IQCE: variants seen among roughly 807,000 people sequenced by gnomAD.
IQCE encodes IQ motif containing E, also known as IQ domain-containing protein E.
IQCE carries 115 observed loss-of-function variants against 96.0 expected under a neutral mutation model. The ratio of observed to expected loss-of-function variants is 1.20; its 90% confidence interval spans 1.03 to 1.40. The LOEUF (loss-of-function observed/expected upper bound fraction) is 1.40, where lower values mean the gene tolerates loss of function less well. IQCE is among the 40% of genes most tolerant of loss of function. The pLI is 0.00. For missense variants in IQCE, 1,041 were observed against 909.1 expected, an observed-to-expected ratio of 1.15 and a Z score of -1.87; for synonymous variants, 412 against 371.2, an observed-to-expected ratio of 1.11 and a Z score of -1.26.
At chr7:2,567,270 G>C (rs1258369111) in intron 2 of IQCE, 107 bp downstream of exon 2, 14 of 850,896 alleles carry the variant, frequency 1.6e-5, no homozygotes, top group East Asian at 2.6e-5. Context: ...ACTGTGTCGA[G>C]AGCTGGAATG....
intron 6 of IQCE, among the ~76,000 whole-genome samples, chr7:2,575,536 C>A (rs1257773585): frequency 6.6e-6 from 1 of 152,220 alleles, no homozygotes; most frequent in East Asian, 1.9e-4. Flanking sequence ...TGGAGCCCCA[C>A]CAGTGCGGGA....
Position 2,593,037 on chromosome 7 carries a change from G to C in IQCE, c.1260G>C (p.Gln420His), listed in dbSNP as rs764309171. The C allele has an allele frequency of 6.8e-6, 11 of 1,608,020 alleles. No homozygotes were observed. Among genetic ancestry groups the C allele is most frequent in the South Asian group, 2.2e-5 (2 of 90,820 alleles). The change falls in exon 15 of 22, where the codon CAG (glutamine) becomes CAC (histidine). Residue 420 changes from glutamine (Q) to histidine (H), a missense_variant. Coordinates refer to ENST00000402050, the MANE Select transcript of IQCE (RefSeq NM_152558.5). ...TTGTGTGCAGTTTGGAGGTGAAGCAGCTCCTGCAGGCGAAGGCCGACCTGG... is the reference window on the plus strand; with the variant it reads ...TTGTGTGCAGTTTGGAGGTGAAGCACCTCCTGCAGGCGAAGGCCGACCTGG... ...QLLQRDLEVK[Q>H]LLQAKADLEK...
chr7:2,598,588 G>A lies in IQCE; in HGVS notation c.1564G>A (p.Ala522Thr), dbSNP rs372817817. Residue 522 changes from alanine (A) to threonine (T), a missense_variant, in exon 17 of 22, where the codon GCG becomes ACG. Ala to Thr is a moderately conservative substitution (Grantham distance 58). Coordinates refer to ENST00000402050, the MANE Select transcript of IQCE (RefSeq NM_152558.5). The part of the protein sequence containing the change: ...SPCSDGRRDA[A>T]ARVLQAQWKV... ...CTGCTCTGATGGGAGAAGAGACGCC[G>A]CGGCCAGAGTCCTGCAGGCCCAGTG... 1.0e-5 allele frequency: 16 copies of A among 1,601,970 alleles called. No homozygotes were observed. The highest frequency in any genetic ancestry group is 2.7e-5 in the African/African-American group (2 of 74,396).
Position 2,607,218 on chromosome 7 carries a change from GC to G in IQCE, c.1961del (p.Ala654ValfsTer79). ...GDASSPPFLA[A>X]LPDPSPSGPQ... ...CGCCTCCTCCCCACCCTTCCTCGCA[GC>G]TCTTCCTGGTAATTTCATTCATTTG... On this transcript the variant is annotated frameshift_variant, in exon 21 of 22. Transcript: ENST00000402050. LOFTEE classifies it high-confidence loss of function. 1 of 1,613,820 alleles carries G rather than the reference GC, an allele frequency of 6.2e-7. No homozygotes were observed. Among genetic ancestry groups the G allele is most frequent in the Non-Finnish European group, 8.5e-7 (1 of 1,179,856 alleles).
At chr7:2,563,767 G>A (rs564458284) in intron 1 of IQCE, among the ~76,000 whole-genome samples, 6 of 151,638 alleles carry the variant, frequency 4.0e-5, no homozygotes, top group African/African-American at 1.2e-4. Flanking sequence ...GGTGGCAGGC[G>A]CCTGTATTCC....
Position 2,609,941 on chromosome 7 carries a change from C to T in IQCE, c.1970-103C>T, listed in dbSNP as rs558164185. On this transcript the variant is annotated intron_variant, in intron 21 of 21. Coordinates refer to ENST00000402050, the MANE Select transcript of IQCE (RefSeq NM_152558.5). The stretch of plus-strand genomic sequence containing the variant: ...GGCTTACTGCTTCTCGGGGTGGCTG[C>T]CGTCTTGCCTGCCGGGGAAGAGCAG... 276 of 689,366 alleles carry T rather than the reference C, an allele frequency of 4.0e-4. 1 individual carries two copies. In the African/African-American group the frequency reaches 4.5e-3, roughly 11 times the overall value. 42.7% of individuals were successfully genotyped at this position (689,366 alleles called of 1,614,324 possible).
chr7:2,580,643 T>G (rs890684467), intron 8 of IQCE, among the ~76,000 whole-genome samples: 2 of 151,568 alleles, frequency 1.3e-5, no homozygotes, highest in African/African-American at 4.8e-5. Flanking sequence ...CAATAGAGGC[T>G]GGATAGAGAT....
intron 3 of IQCE, among the ~76,000 whole-genome samples, chr7:2,569,691 A>G (rs187646919): frequency 5.0e-4 from 76 of 152,186 alleles, no homozygotes; most frequent in African/African-American, 1.8e-3. Context: ...TGCTACCCCA[A>G]AGCCTGTGGC....
intron 20 of IQCE, 126 bp from the exon 21 acceptor site, chr7:2,606,998 A>T: frequency 1.2e-6 from 1 of 842,458 alleles, no homozygotes; most frequent in Non-Finnish European, 1.8e-6. Flanking sequence ...GGGGCTCGGG[A>T]CTGGCTCTGT....
chr7:2,567,064 C>A, intron 1 of IQCE, 52 bp from the exon 2 acceptor site: 2 of 1,515,212 alleles, frequency 1.3e-6, no homozygotes, highest in South Asian at 2.3e-5. Flanking sequence ...ACGTGATGGT[C>A]GGAAGCCCAG....
intron 2 of IQCE, among the ~76,000 whole-genome samples, 186 bp from the exon 3 acceptor site, chr7:2,568,768 G>A (rs1781557372): frequency 6.6e-6 from 1 of 152,186 alleles, no homozygotes; most frequent in Non-Finnish European, 1.5e-5. Context: ...ACTGACGTGA[G>A]TGCATTTTTG....
rs1388900536 is a variant in IQCE at position 2,593,072 on chromosome 7, T to TG, written c.1297dup (p.Glu433GlyfsTer48). The TG allele has an allele frequency of 6.2e-7, 1 of 1,612,462 alleles. No individual in the cohort carries two copies. The highest frequency in any genetic ancestry group is 8.5e-7 in the Non-Finnish European group (1 of 1,178,804). ...GCGAAGGCCGACCTGGAGAAGGAGC[T>TG]GGAGTGCGCGAGGGAGGGCGAGGAG... On this transcript the variant is annotated frameshift_variant, in exon 15 of 22. Transcript: ENST00000402050. LOFTEE classifies it high-confidence loss of function.
chr7:2,604,137 C>CA (rs1257846378), intron 18 of IQCE, among the ~76,000 whole-genome samples: 3 of 106 alleles, frequency 0.028, no homozygotes, highest in South Asian at 0.25. Flanking sequence ...TACAGGCATG[C>CA]GCGCCACGTC....
intron 4 of IQCE, 41 bp downstream of exon 4, chr7:2,571,695 A>G (rs1162920579): frequency 3.2e-6 from 5 of 1,571,732 alleles, no homozygotes; most frequent in Non-Finnish European, 4.3e-6. Flanking sequence ...TGCTTGAGAG[A>G]AGAGTTCGAG....
chr7:2,587,822 G>C lies in IQCE; in HGVS notation c.989G>C (p.Gly330Ala). The C allele has an allele frequency of 6.2e-7, 1 of 1,614,072 alleles. No individual in the cohort carries two copies. Among genetic ancestry groups the C allele is most frequent in the Non-Finnish European group, 8.5e-7 (1 of 1,179,954 alleles). Residue 330 changes from glycine to alanine, a missense_variant and splice_region_variant, in exon 13 of 22, where the codon GGT becomes GCT. Coordinates refer to ENST00000402050, the MANE Select transcript of IQCE (RefSeq NM_152558.5). Reference sequence around the variant, plus strand: ...TTTGAAACCGCATTGCTTCCATCAGGTTATGTGGAGTGGAGCAAGCCCCGG... The same window carrying C: ...TTTGAAACCGCATTGCTTCCATCAGCTTATGTGGAGTGGAGCAAGCCCCGG... ...STSPTISKTQGYVEWSKPRLL... is the reference protein window; with the variant it reads ...STSPTISKTQAYVEWSKPRLL...
At chr7:2,587,906 T>C (rs778062275) in intron 13 of IQCE, 29 bp downstream of exon 13, 5 of 1,607,012 alleles carry the variant, frequency 3.1e-6, no homozygotes, top group Non-Finnish European at 4.3e-6. Context: ...GCCACTGTCG[T>C]TGGGGACCAG....
In IQCE at chr7:2,573,595, G is replaced by A. The variant is rs1429453568; in HGVS notation, c.465+107G>A. On this transcript the variant is annotated intron_variant, in intron 6 of 21. Transcript: ENST00000402050. ...TGGGAGGTGCCCAGATGGGAAGAGC[G>A]GGAGCGTTAGGGTCGAACCTGAGTT... is the stretch of plus-strand genomic sequence containing the variant. The A allele has an allele frequency of 1.8e-5, 11 of 624,804 alleles. No individual in the cohort carries two copies. In the East Asian group the frequency reaches 2.1e-4, roughly 12 times the overall value. The allele number at this position is 624,804 out of a possible 1,614,324, so 38.7% of individuals were successfully genotyped here. A position where few individuals can be genotyped will look rare whatever the true frequency, so the allele number is the denominator to read the frequency against.
rs1170602216 is a variant in IQCE at position 2,575,839 on chromosome 7, C to G, written c.465+2351C>G. Among the ~76,000 whole-genome samples the G allele has an allele frequency of 2.0e-5, 3 of 152,188 alleles. No individual in the cohort carries two copies. In the East Asian group the frequency reaches 5.8e-4, roughly 29 times the overall value. On this transcript the variant is annotated intron_variant, in intron 6 of 21. Coordinates refer to ENST00000402050, the MANE Select transcript of IQCE (RefSeq NM_152558.5). ...TGAAGGAGCTCCCTGCCGTGTCGAT[C>G]GCTGGCCCCCCGGCTCCCGGCCCAT...
chr7:2,588,113 T>G (rs552752320), intron 13 of IQCE, among the ~76,000 whole-genome samples: 13 of 152,338 alleles, frequency 8.5e-5, no homozygotes, highest in Non-Finnish European at 1.6e-4. Context: ...CGCTTCGCAC[T>G]GGAGCCCCTC....
Sources: allele counts gnomAD v4.1 joint callset (sites outside exome capture counted in the v4.1 genomes callset), GRCh38; gene constraint gnomAD v4.1.1; transcripts MANE v1.5; gene names NCBI Gene and HGNC (gene_info 2026-07-23, HGNC 2026-07-21).